Variants in MTUS1 observed in about 807,000 individuals in gnomAD.
MTUS1 encodes the protein microtubule-associated tumor suppressor 1.
In MTUS1, 109 loss-of-function variants were observed where a neutral mutation model predicts 120.8. That is an observed-to-expected ratio of 0.90 (90% CI 0.77 to 1.06). MTUS1 has a LOEUF of 1.06. MTUS1 is among the 50% of genes least tolerant of loss of function. The pLI is 0.00. For synonymous variants in MTUS1, 737 were observed against 550.5 expected (o/e 1.34, Z -4.74); for missense variants, 2,210 against 1,486.3 (o/e 1.49, Z -8.01).
At chr8:17,717,406 T>C (rs2131056194) in intron 4 of MTUS1, among the ~76,000 whole-genome samples, 1 of 152,344 alleles carries the variant, frequency 6.6e-6, no homozygotes, top group Admixed American at 6.5e-5. Flanking sequence ...GGATATTGGG[T>C]TTCAATTAGC....
In MTUS1 at chr8:17,647,083, G is replaced by T. The variant is rs187172139; in HGVS notation, c.3502-4C>A. 577 of 1,610,104 alleles carry T rather than the reference G, an allele frequency of 3.6e-4. No individual in the cohort carries two copies. The highest frequency in any genetic ancestry group is 4.7e-4 in the Non-Finnish European group (550 of 1,178,052). On this transcript the variant is annotated splice_region_variant and splice_polypyrimidine_tract_variant and intron_variant, in intron 13 of 14. Transcript: ENST00000693296. The stretch of plus-strand genomic sequence containing the variant: ...CCAATGCTGTGTTGTTGTCCACCTT[G>T]GCATAAACAAGAATTCCAACATTTA...
At chr8:17,714,650 G>A (rs912310577) in intron 5 of MTUS1, among the ~76,000 whole-genome samples, 4 of 152,008 alleles carry the variant, frequency 2.6e-5, no homozygotes, top group Non-Finnish European at 5.9e-5. Flanking sequence ...ATACAGAAGA[G>A]TATATTCATT....
At chr8:17,785,272 T>C (rs762072599) in intron 1 of MTUS1, among the ~76,000 whole-genome samples, 3 of 152,086 alleles carry the variant, frequency 2.0e-5, no homozygotes, top group South Asian at 2.1e-4. Context: ...ACTGCAAAGG[T>C]AGAAGCGACT....
At position 17,709,938 on chromosome 8, in the gene MTUS1, C is replaced by T. The variant is rs112229428; in HGVS notation, c.2623+3276G>A. 3.3e-5 allele frequency among the ~76,000 whole-genome samples: 5 copies of T among 151,570 alleles called. No homozygotes were observed. The East Asian group carries it at 9.7e-4, about 29-fold the overall frequency. On this transcript the variant is annotated intron_variant, in intron 6 of 14. Transcript: ENST00000693296. ...AGGAGAATGGCGTGAACCCGGGAGG[C>T]AGAGCTTGCAGCGAGCAGAGATCAT...
intron 7 of MTUS1, among the ~76,000 whole-genome samples, chr8:17,679,148 C>T (rs547231674): frequency 1.1e-4 from 16 of 151,680 alleles, no homozygotes; most frequent in East Asian, 5.8e-4. Context: ...CACCCATAAT[C>T]GAAGGCTCTA....
At chr8:17,777,048 G>C (rs944221387) in intron 1 of MTUS1, among the ~76,000 whole-genome samples, 3 of 152,126 alleles carry the variant, frequency 2.0e-5, no homozygotes, top group African/African-American at 4.8e-5. Flanking sequence ...ACTCACTGAG[G>C]TGGGTTCCAC....
rs1343083929 is a variant in MTUS1, at chr8:17,697,245, T to C, written c.2624-12703A>G. 1.9e-5 allele frequency: 30 copies of C among 1,611,074 alleles called. No individual in the cohort carries two copies. In the Admixed American group the frequency reaches 4.7e-4, roughly 25 times the overall value. On this transcript the variant is annotated intron_variant, in intron 6 of 14. Coordinates refer to ENST00000693296, the MANE Select transcript of MTUS1 (RefSeq NM_001363059.2). ...CCGTGCAACACTAAACAGAGATCTA[T>C]GCGAGACAGACCTGTGTGGAAAACA...
chr8:17,764,088 G>C (rs766532394), intron 1 of MTUS1, among the ~76,000 whole-genome samples: 1 of 152,136 alleles, frequency 6.6e-6, no homozygotes, highest in African/African-American at 2.4e-5. Flanking sequence ...TTTTTTGGTG[G>C]GGAAAGAACA....
chr8:17,747,190 T>G (rs902004695), intron 2 of MTUS1, among the ~76,000 whole-genome samples: 2 of 152,104 alleles, frequency 1.3e-5, no homozygotes, highest in Non-Finnish European at 2.9e-5. Flanking sequence ...CTTCACCTTA[T>G]TCCCTACTGC....
At chr8:17,698,712 T>C (rs961610919) in intron 6 of MTUS1, among the ~76,000 whole-genome samples, 3 of 152,074 alleles carry the variant, frequency 2.0e-5, no homozygotes, top group Admixed American at 2.0e-4. Context: ...TTTAAATAAG[T>C]TCTCTTCCCT....
chr8:17,738,466 A>G (rs1200469284), intron 3 of MTUS1, among the ~76,000 whole-genome samples: 1 of 152,224 alleles, frequency 6.6e-6, no homozygotes, highest in Non-Finnish European at 1.5e-5. Flanking sequence ...TGCCTCCAAA[A>G]GAGAGTGAAG....
At chr8:17,743,528 G>A in intron 3 of MTUS1, 76 bp downstream of exon 3, 1 of 1,362,930 alleles carries the variant, frequency 7.3e-7, no homozygotes, top group Non-Finnish European at 1.0e-6. Context: ...GTGACAGAAG[G>A]CATTAGACCT....
At chr8:17,702,376 TTTTG>T (rs1183451558) in intron 6 of MTUS1, among the ~76,000 whole-genome samples, 4 of 152,238 alleles carry the variant, frequency 2.6e-5, no homozygotes, top group Admixed American at 2.6e-4. Context: ...TTCCCTTTCT[TTTTG>T]TTTAGTTTTT....
At chr8:17,656,731 C>T (rs1167418834) in intron 8 of MTUS1, among the ~76,000 whole-genome samples, 1 of 151,946 alleles carries the variant, frequency 6.6e-6, no homozygotes, top group African/African-American at 2.4e-5. Context: ...CCCAGCCAGC[C>T]AGTGTGGTAG....
At chr8:17,799,862 T>C (rs774546930) in intron 1 of MTUS1, among the ~76,000 whole-genome samples, 8 of 152,174 alleles carry the variant, frequency 5.3e-5, no homozygotes, top group South Asian at 2.1e-4. Flanking sequence ...TAAGGTTTTT[T>C]AGCTTTGGTT....
At chr8:17,775,530 A>G (rs2050354350) in intron 1 of MTUS1, among the ~76,000 whole-genome samples, 1 of 152,226 alleles carries the variant, frequency 6.6e-6, no homozygotes, top group Non-Finnish European at 1.5e-5. Flanking sequence ...GTCGCACAGA[A>G]AGCAGCCATG....
intron 5 of MTUS1, among the ~76,000 whole-genome samples, chr8:17,714,007 C>A (rs73204299): frequency 0.035 from 5,267 of 152,184 alleles, 116 homozygotes; most frequent in Non-Finnish European, 0.052. Context: ...CAAAGCTGTC[C>A]ATGGAATCTC....
At chr8:17,737,193 G>A (rs913925285) in intron 3 of MTUS1, among the ~76,000 whole-genome samples, 11 of 152,266 alleles carry the variant, frequency 7.2e-5, no homozygotes, top group African/African-American at 2.6e-4. Flanking sequence ...CCCATTTCCC[G>A]TCTCCACCAA....
chr8:17,690,488 G>C (rs1816736197), intron 6 of MTUS1, among the ~76,000 whole-genome samples: 1 of 152,044 alleles, frequency 6.6e-6, no homozygotes, highest in South Asian at 2.1e-4. Context: ...ATTCCTCAAA[G>C]AACTAAAAAT....
Sources: gnomAD v4.1 joint callset for allele counts (sites outside exome capture counted in the v4.1 genomes callset) on GRCh38, gnomAD v4.1.1 for gene constraint, MANE v1.5 for transcripts, NCBI Gene and HGNC (gene_info 2026-07-23, HGNC 2026-07-21) for gene names.